RLBP1: variants seen among roughly 807,000 people sequenced by gnomAD.
The protein encoded by RLBP1 is retinaldehyde-binding protein 1.
A neutral mutation model predicts 36.2 loss-of-function variants in RLBP1; 26 were observed. The ratio of observed to expected loss-of-function variants is 0.72; its 90% CI spans 0.53 to 1.00. The LOEUF (loss-of-function observed/expected upper bound fraction) is 1.00. Among genes scored for constraint, RLBP1 ranks in the 50% least tolerant of loss-of-function variants. The probability of loss-of-function intolerance (pLI) is 0.00; values close to 1 mark genes in which losing one functional copy is unlikely to be tolerated. For synonymous variants in RLBP1, 155 were observed against 156.2 expected, an observed-to-expected ratio of 0.99 and a Z score of 0.06; for missense variants, 410 against 402.4, an observed-to-expected ratio of 1.02 and a Z score of -0.16.
At chr15:89,220,760 G>A (rs2051620018) in intron 1 of RLBP1, among the ~76,000 whole-genome samples, 1 of 152,070 alleles carries the variant, frequency 6.6e-6, no homozygotes, top group African/African-American at 2.4e-5. Context: ...AGGGACAGTG[G>A]CTGGACACCC....
Position 89,214,701 on chromosome 15 carries a change from A to G in RLBP1, c.525+359T>C, listed in dbSNP as rs16942869. Among the ~76,000 whole-genome samples the G allele has an allele frequency of 5.6e-3, 849 of 152,304 alleles. 25 individuals are homozygous for G. The highest frequency in any genetic ancestry group is 0.04 in the Admixed American group (611 of 15,302). Reference sequence around the variant, plus strand: ...TGCTTTCCAGAATCTCTTCCAGCCTATAGTCCACTAATCCCTGTTCTCTCT... The same window carrying G: ...TGCTTTCCAGAATCTCTTCCAGCCTGTAGTCCACTAATCCCTGTTCTCTCT... On this transcript the variant is annotated intron_variant, in intron 6 of 8. Transcript: ENST00000268125. The surrounding 1 kb of genome is among the most constrained non-coding windows in gnomAD (Gnocchi z 4.6).
Position 89,217,286 on chromosome 15 carries a change from C to G in RLBP1, c.180G>C (p.Glu60Asp), listed in dbSNP as rs191170653. ...DELNEREETR[E>D]EAVRELQEMV... Reference sequence around the variant, plus strand: ...TCTCCTGCAGCTCTCGCACTGCCTCCTCCCGGGTCTCCTCTCTCTCGTTCA... The same window carrying G: ...TCTCCTGCAGCTCTCGCACTGCCTCGTCCCGGGTCTCCTCTCTCTCGTTCA... Residue 60 changes from glutamate to aspartate, a missense_variant, in exon 5 of 9, where the codon GAG becomes GAC. Glu to Asp is a conservative substitution (Grantham distance 45, BLOSUM62 2). Transcript: ENST00000268125. 1 of 1,608,476 alleles carries G rather than the reference C, an allele frequency of 6.2e-7. No homozygotes were observed. The highest frequency in any genetic ancestry group is 8.5e-7 in the Non-Finnish European group (1 of 1,180,006).
chr15:89,213,843 T>C (rs1480028667), intron 6 of RLBP1, among the ~76,000 whole-genome samples: 1 of 152,172 alleles, frequency 6.6e-6, no homozygotes, highest in Non-Finnish European at 1.5e-5. Context: ...ACTCCTAATA[T>C]TTCTCCTAAA....
chr15:89,217,353 T>G (rs2051591088), intron 4 of RLBP1, 29 bp from the exon 5 acceptor site: 3 of 1,597,000 alleles, frequency 1.9e-6, no homozygotes, highest in African/African-American at 1.3e-5. Context: ...TGCATGAAGT[T>G]AAACTTAGGT....
chr15:89,216,273 C>A (rs2051578664), intron 5 of RLBP1, among the ~76,000 whole-genome samples: 1 of 151,994 alleles, frequency 6.6e-6, no homozygotes, highest in Non-Finnish European at 1.5e-5. Context: ...CATTTCCGTC[C>A]ACCAGTGCCC....
intron 5 of RLBP1, among the ~76,000 whole-genome samples, chr15:89,216,602 G>A (rs1196506228): frequency 1.3e-5 from 2 of 152,208 alleles, no homozygotes; most frequent in African/African-American, 4.8e-5. Context: ...GATTACAGGC[G>A]TGAGCCACCG....
chr15:89,218,529 C>A lies in RLBP1; in HGVS notation c.141+36G>T. 1 of 1,613,990 alleles carries A rather than the reference C, an allele frequency of 6.2e-7. No individual in the cohort carries two copies. The highest frequency in any genetic ancestry group is 8.5e-7 in the Non-Finnish European group (1 of 1,179,966). ...GTCATGTTCCCCTCATGTTGCCTCCCTAGGCTGCTCCTCTCCGCACTGTCA... is the reference window on the plus strand; with the variant it reads ...GTCATGTTCCCCTCATGTTGCCTCCATAGGCTGCTCCTCTCCGCACTGTCA... On this transcript the variant is annotated intron_variant, in intron 4 of 8. Transcript: ENST00000268125. The surrounding 1 kb of genome is among the most constrained non-coding windows in gnomAD (Gnocchi z 4.6).
At chr15:89,215,585 A>G (rs931237665) in intron 5 of RLBP1, among the ~76,000 whole-genome samples, 16 of 152,140 alleles carry the variant, frequency 1.1e-4, no homozygotes, top group African/African-American at 3.9e-4. Flanking sequence ...CAAGACACAG[A>G]TTTTTCAGCT....
intron 6 of RLBP1, 35 bp downstream of exon 6, chr15:89,215,025 C>T (rs2051567330): frequency 1.2e-6 from 2 of 1,611,114 alleles, no homozygotes; most frequent in Non-Finnish European, 8.5e-7. Context: ...GGGAACCCAG[C>T]CCACAGGGTG....
chr15:89,210,941 C>A lies in RLBP1; in HGVS notation c.685-132G>T. 1 of 643,296 alleles carries A rather than the reference C, an allele frequency of 1.6e-6. No individual in the cohort carries two copies. 39.8% of individuals were successfully genotyped at this position (643,296 alleles called of 1,614,324 possible). A position where few individuals can be genotyped will look rare whatever the true frequency, so the allele number is the denominator to read the frequency against. The stretch of plus-strand genomic sequence containing the variant: ...ATCACAGGGCTGCCCTGGAGAAGGG[C>A]CCACTGAAGGTCCTATTTCCAGGCC... On this transcript the variant is annotated intron_variant, in intron 7 of 8. Transcript: ENST00000268125. This position sits in a 1 kb window ranked among gnomAD's most constrained non-coding sequence, Gnocchi z 4.7.
chr15:89,210,167 T>G lies in RLBP1; in HGVS notation c.*118A>C. Reference sequence around the variant, plus strand: ...GGTGACACCTGAGCTCACTCGGGCTTAGGGAGTCTAAGGGGGGACCACAGT... The same window carrying G: ...GGTGACACCTGAGCTCACTCGGGCTGAGGGAGTCTAAGGGGGGACCACAGT... On this transcript the variant is annotated 3_prime_UTR_variant, in exon 9 of 9. Transcript: ENST00000268125. The surrounding 1 kb of genome is among the most constrained non-coding windows in gnomAD (Gnocchi z 4.7). 1 of 1,177,648 alleles carries G rather than the reference T, an allele frequency of 8.5e-7. No homozygotes were observed. Among genetic ancestry groups the G allele is most frequent in the Non-Finnish European group, 1.3e-6 (1 of 796,970 alleles). The allele number at this position is 1,177,648 out of a possible 1,614,324, so 72.9% of individuals were successfully genotyped here. A position where few individuals can be genotyped will look rare whatever the true frequency, so the allele number is the denominator to read the frequency against.
intron 1 of RLBP1, among the ~76,000 whole-genome samples, chr15:89,220,557 C>A (rs2051618312): frequency 6.6e-6 from 1 of 152,142 alleles, no homozygotes; most frequent in Non-Finnish European, 1.5e-5. Flanking sequence ...CCCCAGCAAG[C>A]ACAGGGAAGT....
At chr15:89,215,951 C>G (rs1407930357) in intron 5 of RLBP1, among the ~76,000 whole-genome samples, 1 of 152,236 alleles carries the variant, frequency 6.6e-6, no homozygotes, top group African/African-American at 2.4e-5. Context: ...TCAAAATTCC[C>G]TTTGCACTGG....
intron 4 of RLBP1, among the ~76,000 whole-genome samples, chr15:89,217,685 G>A (rs2051593811): frequency 6.6e-6 from 1 of 152,238 alleles, no homozygotes; most frequent in Admixed American, 6.5e-5. Context: ...TCTCAGATGA[G>A]CAGACTGAGG....
At chr15:89,215,005 G>C (rs2051567150) in intron 6 of RLBP1, 55 bp downstream of exon 6, 1 of 1,581,912 alleles carries the variant, frequency 6.3e-7, no homozygotes, top group Non-Finnish European at 8.7e-7. Flanking sequence ...TAGAGGCCAG[G>C]GTTGAGGGAG....
At position 89,212,033 on chromosome 15, in the gene RLBP1, C is replaced by G. The variant is rs149611050; in HGVS notation, c.526-132G>C. 156 of 917,966 alleles carry G rather than the reference C, an allele frequency of 1.7e-4. 1 individual carries two copies. In the African/African-American group the frequency reaches 2.3e-3, roughly 14 times the overall value. The allele number at this position is 917,966 out of a possible 1,614,324, so 56.9% of individuals were successfully genotyped here. On this transcript the variant is annotated intron_variant, in intron 6 of 8. Transcript: ENST00000268125. ...CTGCAGGCTTTGATCTCGGACATTC[C>G]ACTTCTGTGAATGTATACCAAGAAA...
At chr15:89,212,543 C>T (rs1195235569) in intron 6 of RLBP1, among the ~76,000 whole-genome samples, 5 of 149,534 alleles carry the variant, frequency 3.3e-5, no homozygotes, top group Non-Finnish European at 4.4e-5. Context: ...CGAGATCACG[C>T]CACTGCTCTC....
intron 6 of RLBP1, among the ~76,000 whole-genome samples, chr15:89,212,736 AT>A (rs111726236): frequency 6.0e-5 from 9 of 149,918 alleles, no homozygotes; most frequent in Non-Finnish European, 1.3e-4. Context: ...TTTGTCTGTA[AT>A]TTTTTTTTTG....
intron 2 of RLBP1, 46 bp from the exon 3 acceptor site, chr15:89,219,121 G>A (rs1015937720): frequency 1.1e-6 from 1 of 936,862 alleles, no homozygotes; most frequent in Non-Finnish European, 1.7e-6. Flanking sequence ...CAGAACTGTG[G>A]ATCTCAAACT....
Sources: allele counts gnomAD v4.1 joint callset (sites outside exome capture counted in the v4.1 genomes callset), GRCh38; gene constraint gnomAD v4.1.1; non-coding constraint Gnocchi (gnomAD v3.1); transcripts MANE v1.5; gene names NCBI Gene and HGNC (gene_info 2026-07-23, HGNC 2026-07-21).